Variants in TRMT1 observed in about 807,000 individuals in gnomAD.
TRMT1 encodes the protein tRNA (guanine(26)-N(2))-dimethyltransferase.
A neutral mutation model predicts 75.4 loss-of-function variants in TRMT1; 63 were observed. The observed-to-expected ratio is 0.84, with a 90% CI of 0.68 to 1.03. TRMT1 has a LOEUF of 1.03. TRMT1 is among the 50% of genes least tolerant of loss of function. The pLI is 0.00. For synonymous variants in TRMT1, 382 were observed against 358.1 expected (o/e 1.07, Z -0.75); for missense variants, 870 against 905.3 (o/e 0.96, Z 0.50).
intron 1 of TRMT1, 79 bp from the exon 2 acceptor site, chr19:13,116,510 G>A (rs903182240): frequency 7.0e-7 from 1 of 1,421,366 alleles, no homozygotes; most frequent in Non-Finnish European, 9.4e-7. Context: ...ACATATCTAT[G>A]AGGTAGGGAC....
chr19:13,115,861 G>A (rs750859084), intron 3 of TRMT1, 93 bp from the exon 4 acceptor site: 1 of 1,604,568 alleles, frequency 6.2e-7, no homozygotes, highest in East Asian at 2.2e-5. Context: ...TGAAATCCCT[G>A]CGGAAAGGCT....
Position 13,108,021 on chromosome 19 carries a change from C to T in TRMT1, c.1398-162G>A, listed in dbSNP as rs534553710. On this transcript the variant is annotated intron_variant, in intron 12 of 16. Coordinates refer to ENST00000357720, the MANE Select transcript of TRMT1 (RefSeq NM_001136035.4). ...TTTTTTTTTTTTTGAGATGGAGTCT[C>T]GCTCTGTCGCTCAGGCTGGAGTGCA... 4.4e-4 allele frequency among the ~76,000 whole-genome samples: 57 copies of T among 130,890 alleles called. 1 individual carries two copies. In the South Asian group the frequency reaches 0.01, roughly 23 times the overall value. The allele number at this position is 130,890 out of a possible 152,430, so 85.9% of individuals were successfully genotyped here.
chr19:13,107,917 G>C lies in TRMT1; in HGVS notation c.1398-58C>G. 2.1e-6 allele frequency: 3 copies of C among 1,432,916 alleles called. No homozygotes were observed. The African/African-American group carries it at 4.2e-5, about 20-fold the overall frequency. 88.8% of individuals were successfully genotyped at this position (1,432,916 alleles called of 1,614,324 possible). A position where few individuals can be genotyped will look rare whatever the true frequency, so the allele number is the denominator to read the frequency against. ...CGGACTCCTTGACCCCAAAGCCCAAGCTGACCAGCGTAGGTAAGACTACCT... is the reference window on the plus strand; with the variant it reads ...CGGACTCCTTGACCCCAAAGCCCAACCTGACCAGCGTAGGTAAGACTACCT... On this transcript the variant is annotated intron_variant, in intron 12 of 16. Transcript: ENST00000357720.
chr19:13,108,482 G>A (rs2145580064), intron 12 of TRMT1, among the ~76,000 whole-genome samples: 1 of 149,380 alleles, frequency 6.7e-6, no homozygotes, highest in Non-Finnish European at 1.5e-5. Context: ...TAGTAGAGAT[G>A]GGGTTTCGCC....
intron 14 of TRMT1, 46 bp downstream of exon 14, chr19:13,107,528 A>C (rs2018931037): frequency 6.4e-7 from 1 of 1,561,938 alleles, no homozygotes; most frequent in Non-Finnish European, 8.7e-7. Flanking sequence ...ATGTGCTTCC[A>C]TGTCTGTGGG....
At chr19:13,110,095 T>TC (rs2019078882) in intron 8 of TRMT1, 63 bp downstream of exon 8, 1 of 1,608,096 alleles carries the variant, frequency 6.2e-7, no homozygotes, top group Non-Finnish European at 8.5e-7. Flanking sequence ...AAGCCCCAGA[T>TC]CCCCCAGGGC....
chr19:13,107,647 TCTC>T lies in TRMT1; in HGVS notation c.1507_1509del (p.Glu503del). 6.2e-7 allele frequency: 1 copy of T among 1,605,610 alleles called. No individual in the cohort carries two copies. The highest frequency in any genetic ancestry group is 8.5e-7 in the Non-Finnish European group (1 of 1,175,252). On this transcript the variant is annotated inframe_deletion and splice_region_variant, in exon 14 of 17. Coordinates refer to ENST00000357720, the MANE Select transcript of TRMT1 (RefSeq NM_001136035.4). The stretch of plus-strand genomic sequence containing the variant: ...CGCTCCCGTTTCACCGGACATTCCT[TCTC>T]CTGGGGGCAGAGGTCAGAGGTTAGG...
rs1268591790 is a variant in TRMT1 at position 13,105,012 on chromosome 19, C to T, written c.1903G>A (p.Ala635Thr). The T allele has an allele frequency of 6.2e-7, 1 of 1,612,872 alleles. No homozygotes were observed. Among genetic ancestry groups the T allele is most frequent in the African/African-American group, 1.3e-5 (1 of 74,912 alleles). ...GAGGTCTCTGGACAGTCAGGGGCAG[C>T]ATCAGCAGAAACCCTGGGTGTCGGG... The part of the protein sequence containing the change: ...SPPTPRVSAD[A>T]APDCPETSNQ... Residue 635 changes from alanine (A) to threonine (T), a missense_variant, in exon 17 of 17, where the codon GCT becomes ACT. Transcript: ENST00000357720.
At chr19:13,111,983 G>C (rs2019160364) in intron 7 of TRMT1, among the ~76,000 whole-genome samples, 1 of 151,860 alleles carries the variant, frequency 6.6e-6, no homozygotes, top group Non-Finnish European at 1.5e-5. Context: ...ACAGGCGTGA[G>C]CTACCACGCC....
rs955957191 is a variant in TRMT1 at position 13,112,640 on chromosome 19, G to A, written c.870+65C>T. On this transcript the variant is annotated intron_variant, in intron 7 of 16. Coordinates refer to ENST00000357720, the MANE Select transcript of TRMT1 (RefSeq NM_001136035.4). The stretch of plus-strand genomic sequence containing the variant: ...GGTCTGAGGAGGGGGAAAGTGTATT[G>A]GGAAGGGACTCAGACAACCACCTGT... 7 of 1,493,586 alleles carry A rather than the reference G, an allele frequency of 4.7e-6. No individual in the cohort carries two copies. The African/African-American group carries it at 9.6e-5, about 20-fold the overall frequency. The allele number at this position is 1,493,586 out of a possible 1,614,324, so 92.5% of individuals were successfully genotyped here.
chr19:13,115,970 C>A (rs766925265), intron 3 of TRMT1, 27 bp downstream of exon 3: 1 of 1,613,882 alleles, frequency 6.2e-7, no homozygotes, highest in South Asian at 1.1e-5. Context: ...TGACCCCCGC[C>A]CACCAGAAGC....
At position 13,105,413 on chromosome 19, in the gene TRMT1, G is replaced by A. The variant is rs778168778; in HGVS notation, c.1704-17C>T. 1 of 1,613,640 alleles carries A rather than the reference G, an allele frequency of 6.2e-7. No homozygotes were observed. Among genetic ancestry groups the A allele is most frequent in the Non-Finnish European group, 8.5e-7 (1 of 1,179,986 alleles). On this transcript the variant is annotated splice_polypyrimidine_tract_variant and intron_variant, in intron 15 of 16. Coordinates refer to ENST00000357720, the MANE Select transcript of TRMT1 (RefSeq NM_001136035.4). ...GCCTTGCCCCTGTGCGAGGGGAGGAGTAGGTGGGACCCCATCTGCCCTTTA... is the reference window on the plus strand; with the variant it reads ...GCCTTGCCCCTGTGCGAGGGGAGGAATAGGTGGGACCCCATCTGCCCTTTA...
Position 13,112,698 on chromosome 19 carries a change from C to T in TRMT1, c.870+7G>A, listed in dbSNP as rs749153028. The T allele has an allele frequency of 4.3e-6, 7 of 1,609,864 alleles. No individual in the cohort carries two copies. Among genetic ancestry groups the T allele is most frequent in the Non-Finnish European group, 5.9e-6 (7 of 1,179,322 alleles). ...TCTCCCTGGCTGGCTGGCAGAGGGC[C>T]CCTCACCATCTCGTGGCAGGCCCGG... is the stretch of plus-strand genomic sequence containing the variant. On this transcript the variant is annotated splice_region_variant and intron_variant, in intron 7 of 16. Coordinates refer to ENST00000357720, the MANE Select transcript of TRMT1 (RefSeq NM_001136035.4).
intron 5 of TRMT1, among the ~76,000 whole-genome samples, chr19:13,113,852 C>T (rs888450581): frequency 1.3e-5 from 2 of 151,976 alleles, no homozygotes; most frequent in Admixed American, 6.6e-5. Flanking sequence ...TCAAGTGATC[C>T]GCCCACCTCG....
intron 14 of TRMT1, among the ~76,000 whole-genome samples, 197 bp downstream of exon 14, chr19:13,107,377 T>C (rs1450775003): frequency 6.6e-6 from 1 of 151,916 alleles, no homozygotes; most frequent in East Asian, 1.9e-4. Context: ...TGACCTCAGG[T>C]GATCCACCTG....
Position 13,115,392 on chromosome 19 carries a change from C to G in TRMT1, c.528G>C (p.Gly176=). Residue 176 remains glycine, a synonymous_variant, in exon 5 of 17, where the codon GGG becomes GGC. Coordinates refer to ENST00000357720, the MANE Select transcript of TRMT1 (RefSeq NM_001136035.4). ...RSIRFALEVP[G]LRSVVANDAS... ...CATCGTTTGCAACCACAGATCTGAGCCCAGGCACCTCTAGGGCAAATCGAA... is the reference window on the plus strand; with the variant it reads ...CATCGTTTGCAACCACAGATCTGAGGCCAGGCACCTCTAGGGCAAATCGAA... 6.2e-7 allele frequency: 1 copy of G among 1,614,118 alleles called. No individual in the cohort carries two copies. Among genetic ancestry groups the G allele is most frequent in the African/African-American group, 1.3e-5 (1 of 75,056 alleles).
At chr19:13,114,555 G>A (rs755316982) in intron 5 of TRMT1, among the ~76,000 whole-genome samples, 3 of 152,180 alleles carry the variant, frequency 2.0e-5, no homozygotes, top group African/African-American at 4.8e-5. Context: ...CTACTCAGTC[G>A]GGAGGCTAAG....
In TRMT1 at chr19:13,104,997, G is replaced by A; in HGVS notation, c.1918C>T (p.Pro640Ser). 6.2e-7 allele frequency: 1 copy of A among 1,613,800 alleles called. No individual in the cohort carries two copies. Among genetic ancestry groups the A allele is most frequent in the East Asian group, 2.2e-5 (1 of 44,886 alleles). ...RVSADAAPDC[P>S]ETSNQTPPGP... ...GGGGGGGTCTGGTTGGAGGTCTCTG[G>A]ACAGTCAGGGGCAGCATCAGCAGAA... The change falls in exon 17 of 17, where the codon CCA becomes TCA. Residue 640 changes from proline (P) to serine (S), a missense_variant. Coordinates refer to ENST00000357720, the MANE Select transcript of TRMT1 (RefSeq NM_001136035.4).
At chr19:13,115,560 C>T (rs570035753) in intron 4 of TRMT1, 66 bp downstream of exon 4, 16 of 1,607,634 alleles carry the variant, frequency 1.0e-5, no homozygotes, top group South Asian at 8.8e-5. Flanking sequence ...TATAGCTCTC[C>T]CCCTCCAGGA....
Sources: allele counts gnomAD v4.1 joint callset (sites outside exome capture counted in the v4.1 genomes callset), GRCh38; gene constraint gnomAD v4.1.1; transcripts MANE v1.5; gene names NCBI Gene and HGNC (gene_info 2026-07-23, HGNC 2026-07-21).